Variants in MAD1L1 observed in about 807,000 individuals in gnomAD.
MAD1L1 encodes the protein mitotic spindle assembly checkpoint protein MAD1.
MAD1L1 carries 95 observed loss-of-function variants against 96.9 expected under a neutral mutation model. That is an observed-to-expected ratio of 0.98 (90% CI 0.83 to 1.16). MAD1L1 has a LOEUF of 1.16. Among genes scored for constraint, MAD1L1 ranks in the 50% most tolerant of loss-of-function variants. The probability of loss-of-function intolerance (pLI) is 0.00; values close to 1 mark genes in which losing one functional copy is unlikely to be tolerated. For synonymous variants in MAD1L1, 473 were observed against 396.6 expected (o/e 1.19, Z -2.29); for missense variants, 1,007 against 954.4 (o/e 1.06, Z -0.73).
At chr7:1,936,632 G>T in intron 17 of MAD1L1, 55 bp downstream of exon 17, 1 of 1,499,732 alleles carries the variant, frequency 6.7e-7, no homozygotes. Context: ...GCGCACGGAT[G>T]GACCTACCCA....
intron 11 of MAD1L1, among the ~76,000 whole-genome samples, chr7:2,128,041 A>G (rs918284161): frequency 4.6e-5 from 7 of 152,172 alleles, no homozygotes; most frequent in Admixed American, 3.9e-4. Context: ...TTCGATAAAT[A>G]AAACGCTTTT....
intron 11 of MAD1L1, among the ~76,000 whole-genome samples, chr7:2,131,983 G>A (rs1056199094): frequency 1.3e-5 from 2 of 152,154 alleles, no homozygotes; most frequent in Admixed American, 6.5e-5. Context: ...GATGTGCCTC[G>A]TAGACCCGCC....
chr7:2,067,605 C>CCCGCAGTGGTCAGCCCGAACCA (rs1361205824), intron 12 of MAD1L1, among the ~76,000 whole-genome samples: 4 of 152,062 alleles, frequency 2.6e-5, no homozygotes, highest in Non-Finnish European at 4.4e-5. Context: ...AGCCCAAACC[C>CCCGCAGTGGTCAGCCCGAACCA]CCGCAGTGGT....
chr7:1,915,667 G>A (rs1330493243), intron 17 of MAD1L1, among the ~76,000 whole-genome samples: 2 of 152,248 alleles, frequency 1.3e-5, no homozygotes, highest in African/African-American at 4.8e-5. Context: ...GAAATGTTCA[G>A]CGTTGAGTGC....
chr7:2,131,509 T>G (rs1401667514), intron 11 of MAD1L1, among the ~76,000 whole-genome samples: 1 of 152,178 alleles, frequency 6.6e-6, no homozygotes, highest in African/African-American at 2.4e-5. Context: ...AATTTAAAAT[T>G]CAAAGCGCTG....
chr7:1,980,852 C>A, intron 14 of MAD1L1: 1 of 466,928 alleles, frequency 2.1e-6, no homozygotes, highest in Non-Finnish European at 4.1e-6. Flanking sequence ...GGAGAGAGCA[C>A]GCTCCAACGC....
intron 10 of MAD1L1, chr7:2,200,498 C>T (rs922827649): frequency 1.9e-4 from 28 of 147,470 alleles, no homozygotes; most frequent in African/African-American, 7.0e-4. Flanking sequence ...TCTCTGCATT[C>T]TGCCCAGGTA....
chr7:2,020,928 A>C (rs558723852), intron 12 of MAD1L1, among the ~76,000 whole-genome samples: 159 of 152,352 alleles, frequency 1.0e-3, no homozygotes, highest in African/African-American at 3.7e-3. Flanking sequence ...AAAAATGAAA[A>C]AAAACAAAAC....
intron 18 of MAD1L1, among the ~76,000 whole-genome samples, chr7:1,888,420 G>A (rs1347223740): frequency 6.7e-6 from 1 of 148,970 alleles, no homozygotes; most frequent in Non-Finnish European, 1.5e-5. Flanking sequence ...CTGTGCATGT[G>A]AGCATGCATG....
intron 4 of MAD1L1, among the ~76,000 whole-genome samples, chr7:2,224,665 C>T (rs199682923): frequency 3.3e-5 from 5 of 152,208 alleles, no homozygotes; most frequent in Admixed American, 6.5e-5. Flanking sequence ...GGAGACTTTC[C>T]GCCCAATACT....
chr7:2,153,161 G>A (rs895565163), intron 10 of MAD1L1, among the ~76,000 whole-genome samples: 5 of 152,036 alleles, frequency 3.3e-5, no homozygotes, highest in Admixed American at 2.6e-4. Flanking sequence ...AAAAGCACAG[G>A]CAACAAAAAC....
At chr7:2,227,934 A>G (rs541790880) in intron 3 of MAD1L1, among the ~76,000 whole-genome samples, 3 of 152,286 alleles carry the variant, frequency 2.0e-5, no homozygotes, top group South Asian at 2.1e-4. Flanking sequence ...CTTACGTTAA[A>G]TCAACACGAT....
chr7:1,986,175 AG>A (rs1411914744), intron 14 of MAD1L1, among the ~76,000 whole-genome samples: 1 of 152,138 alleles, frequency 6.6e-6, no homozygotes, highest in Non-Finnish European at 1.5e-5. Context: ...GAGTCCAATC[AG>A]CCCCCAGTAG....
At chr7:1,916,532 G>A (rs776930381) in intron 17 of MAD1L1, among the ~76,000 whole-genome samples, 7 of 152,212 alleles carry the variant, frequency 4.6e-5, no homozygotes, top group African/African-American at 7.2e-5. Flanking sequence ...GAGGCATGGC[G>A]GGGGAGGCGG....
chr7:1,855,875 C>T lies in MAD1L1; in HGVS notation c.1999-39647G>A, dbSNP rs112563978. Among the ~76,000 whole-genome samples the T allele has an allele frequency of 5.6e-3, 847 of 152,238 alleles. 8 individuals are homozygous for T. Among genetic ancestry groups the T allele is most frequent in the African/African-American group, 0.019 (800 of 41,540 alleles). On this transcript the variant is annotated intron_variant, in intron 18 of 18. Transcript: ENST00000265854. ...TTGGTACCAATGCTCTGTCTCTTTG[C>T]GTCCAGCTGCTGGAACCCCACAGAC...
intron 3 of MAD1L1, among the ~76,000 whole-genome samples, chr7:2,226,819 G>A (rs1437728378): frequency 1.3e-5 from 2 of 151,904 alleles, no homozygotes; most frequent in Non-Finnish European, 2.9e-5. Context: ...GGGAAACCCC[G>A]TCTCTACTAA....
intron 11 of MAD1L1, among the ~76,000 whole-genome samples, chr7:2,122,581 G>A (rs1322409397): frequency 2.0e-5 from 3 of 151,796 alleles, no homozygotes; most frequent in Middle Eastern, 3.2e-3. Flanking sequence ...CAGCCTGGGC[G>A]ACAGAGCGAG....
At chr7:1,920,389 G>A (rs898501913) in intron 17 of MAD1L1, among the ~76,000 whole-genome samples, 6 of 152,234 alleles carry the variant, frequency 3.9e-5, no homozygotes, top group African/African-American at 1.2e-4. Flanking sequence ...AGAGAAAGTC[G>A]GGGAGACTCG....
At chr7:1,834,163 G>C (rs1465156180) in intron 18 of MAD1L1, among the ~76,000 whole-genome samples, 1 of 152,084 alleles carries the variant, frequency 6.6e-6, no homozygotes, top group Non-Finnish European at 1.5e-5. Flanking sequence ...CAGAATTTGT[G>C]GGATGCCACT....
Sources: gnomAD v4.1 joint callset for allele counts (sites outside exome capture counted in the v4.1 genomes callset) on GRCh38, gnomAD v4.1.1 for gene constraint, MANE v1.5 for transcripts, NCBI Gene and HGNC (gene_info 2026-07-23, HGNC 2026-07-21) for gene names.